Variants in FGF14 observed in about 807,000 individuals in gnomAD.
FGF14 encodes the protein fibroblast growth factor homologous factor 4.
In FGF14, 5 loss-of-function variants were observed where a neutral mutation model predicts 25.5. That is an observed-to-expected ratio of 0.20 (90% CI 0.10 to 0.41). The LOEUF (loss-of-function observed/expected upper bound fraction) is 0.41. Ranked by LOEUF, FGF14 falls within the 10% of genes least tolerant of loss-of-function variation. The pLI, the probability that FGF14 is intolerant of heterozygous loss-of-function variation, is 1.00. For synonymous variants in FGF14, 138 were observed against 118.3 expected, an observed-to-expected ratio of 1.17 and a Z score of -1.08; for missense variants, 222 against 320.1, an observed-to-expected ratio of 0.69 and a Z score of 2.34.
chr13:101,823,914 TTAA>T (rs2042281098), intron 3 of FGF14, among the ~76,000 whole-genome samples: 3 of 94,786 alleles, frequency 3.2e-5, no homozygotes, highest in Admixed American at 1.1e-4. Context: ...GTTATTTTTC[TTAA>T]TAATCAATTA....
chr13:102,203,316 G>A (rs1342831713), intron 1 of FGF14, among the ~76,000 whole-genome samples: 1 of 152,110 alleles, frequency 6.6e-6, no homozygotes, highest in African/African-American at 2.4e-5. Context: ...TAAATCTCTT[G>A]AACTACGTGA....
At chr13:102,355,908 T>A (rs186488612) in intron 1 of FGF14, among the ~76,000 whole-genome samples, 1 of 152,314 alleles carries the variant, frequency 6.6e-6, no homozygotes, top group African/African-American at 2.4e-5. Flanking sequence ...CCTAAGATTT[T>A]TTTCCATCTC....
intron 1 of FGF14, among the ~76,000 whole-genome samples, chr13:101,889,963 C>T (rs995261912): frequency 6.6e-6 from 1 of 152,094 alleles, no homozygotes; most frequent in Non-Finnish European, 1.5e-5. Context: ...CTTAAATATC[C>T]CCATTTATGA....
intron 1 of FGF14, among the ~76,000 whole-genome samples, chr13:101,984,004 G>GT (rs1332827549): frequency 6.6e-6 from 1 of 152,044 alleles, no homozygotes; most frequent in Non-Finnish European, 1.5e-5. Context: ...CAAAATCCAG[G>GT]TTTTCCACTT....
chr13:101,850,461 AATATATATATATATATATAT>A (rs1160692652), intron 3 of FGF14, among the ~76,000 whole-genome samples: 1 of 23,038 alleles, frequency 4.3e-5, no homozygotes, highest in Non-Finnish European at 8.0e-5. Context: ...CTCTAAAGGC[AATATATATATATATATATAT>A]ATATATATAT....
chr13:102,358,919 C>T (rs979545082), intron 1 of FGF14, among the ~76,000 whole-genome samples: 1 of 151,988 alleles, frequency 6.6e-6, no homozygotes, highest in Non-Finnish European at 1.5e-5. Context: ...GGAATCTACC[C>T]AAATGTCCAT....
intron 1 of FGF14, among the ~76,000 whole-genome samples, chr13:101,997,066 G>C (rs1289027757): frequency 2.0e-5 from 3 of 152,314 alleles, no homozygotes; most frequent in Admixed American, 6.5e-5. Flanking sequence ...TGGTCGCTCA[G>C]CCGGGCACTC....
rs550300886 is a variant in FGF14, at chr13:101,717,511, C to T, written c.*5320G>A. On this transcript the variant is annotated 3_prime_UTR_variant, in exon 5 of 5. Transcript: ENST00000376143. ...TATTGTTTTGTAGCAATTTTGATGA[C>T]GTATTCGCTGATGCACAGACATTGG... 4 of 152,204 alleles carry T rather than the reference C, an allele frequency of 2.6e-5. No homozygotes were observed. The highest frequency in any genetic ancestry group is 9.6e-5 in the African/African-American group (4 of 41,546). 9.4% of individuals were successfully genotyped at this position (152,204 alleles called of 1,614,324 possible).
intron 1 of FGF14, among the ~76,000 whole-genome samples, chr13:102,310,701 G>GGGA (rs2055704575): frequency 1.6e-5 from 1 of 62,518 alleles, no homozygotes; most frequent in Non-Finnish European, 3.4e-5. Flanking sequence ...GTGTGTGGGG[G>GGGA]GGGGGGGGTG....
intron 1 of FGF14, among the ~76,000 whole-genome samples, chr13:102,146,619 A>T (rs2046866445): frequency 6.6e-6 from 1 of 152,312 alleles, no homozygotes; most frequent in Non-Finnish European, 1.5e-5. Context: ...ACACTAGTAC[A>T]GGTATTTAGT....
chr13:102,242,841 C>T (rs777884318), intron 1 of FGF14, among the ~76,000 whole-genome samples: 2 of 152,126 alleles, frequency 1.3e-5, no homozygotes, highest in African/African-American at 2.4e-5. Context: ...GAATACTACT[C>T]CCTCCAGTGT....
chr13:101,823,874 AT>A (rs2042278927), intron 3 of FGF14, among the ~76,000 whole-genome samples: 2 of 149,196 alleles, frequency 1.3e-5, no homozygotes, highest in Non-Finnish European at 3.0e-5. Context: ...TTTCAGAAAT[AT>A]ATTAAAAATC....
intron 1 of FGF14, among the ~76,000 whole-genome samples, chr13:102,272,078 C>A (rs571824621): frequency 4.9e-4 from 75 of 152,252 alleles, no homozygotes; most frequent in African/African-American, 1.8e-3. Flanking sequence ...CCAACCCTGG[C>A]CGAATTTTTT....
intron 3 of FGF14, among the ~76,000 whole-genome samples, chr13:101,787,039 T>C (rs1041348641): frequency 1.3e-5 from 2 of 152,158 alleles, no homozygotes; most frequent in Non-Finnish European, 2.9e-5. Flanking sequence ...CACTTTGCTA[T>C]GTATTATCTA....
At chr13:102,330,778 G>T (rs1222434971) in intron 1 of FGF14, among the ~76,000 whole-genome samples, 1 of 151,998 alleles carries the variant, frequency 6.6e-6, no homozygotes, top group Non-Finnish European at 1.5e-5. Context: ...GTCCTCTAAA[G>T]CTTCCGTTAC....
intron 1 of FGF14, among the ~76,000 whole-genome samples, chr13:102,239,209 A>G (rs2051471607): frequency 6.6e-6 from 1 of 152,196 alleles, no homozygotes. Flanking sequence ...GTTACTGTAC[A>G]GATTTTTCTG....
intron 1 of FGF14, among the ~76,000 whole-genome samples, chr13:102,392,653 A>G (rs1255014989): frequency 6.6e-6 from 1 of 152,228 alleles, no homozygotes; most frequent in Non-Finnish European, 1.5e-5. Context: ...GCAAATGGCC[A>G]GAAGACTAGC....
chr13:101,892,352 A>G (rs539999943), intron 1 of FGF14, among the ~76,000 whole-genome samples: 1 of 152,164 alleles, frequency 6.6e-6, no homozygotes, highest in Non-Finnish European at 1.5e-5. Flanking sequence ...CCTCATCCTT[A>G]TTGTTTACCA....
intron 1 of FGF14, among the ~76,000 whole-genome samples, chr13:102,241,515 A>T (rs2051599745): frequency 6.6e-6 from 1 of 152,162 alleles, no homozygotes; most frequent in Admixed American, 6.6e-5. Flanking sequence ...TCTTTGTTGA[A>T]TATCAGTCAA....
Sources: allele counts gnomAD v4.1 joint callset (sites outside exome capture counted in the v4.1 genomes callset), GRCh38; gene constraint gnomAD v4.1.1; transcripts MANE v1.5; gene names NCBI Gene and HGNC (gene_info 2026-07-23, HGNC 2026-07-21).